Variants in SEC24C observed in about 807,000 individuals in gnomAD.
The protein encoded by SEC24C is protein transport protein Sec24C.
Under a neutral mutation model 117.0 loss-of-function variants are expected in SEC24C, and 22 were observed. The ratio of observed to expected loss-of-function variants is 0.19; its 90% confidence interval spans 0.13 to 0.27. The LOEUF is 0.27. Among genes scored for constraint, SEC24C ranks in the 10% least tolerant of loss-of-function variants. The probability of loss-of-function intolerance (pLI) is 1.00; values close to 1 mark genes in which losing one functional copy is unlikely to be tolerated. For missense variants in SEC24C, 1,155 were observed against 1,375.1 expected (o/e 0.84, Z 2.53); for synonymous variants, 506 against 529.4 (o/e 0.96, Z 0.61).
intron 2 of SEC24C, among the ~76,000 whole-genome samples, chr10:73,747,803 G>T (rs1278845785): frequency 2.0e-5 from 3 of 151,872 alleles, no homozygotes; most frequent in African/African-American, 7.3e-5. Context: ...GGGATTACAG[G>T]CATGCACCAC....
chr10:73,759,985 G>C (rs2082771182), intron 4 of SEC24C, 33 bp from the exon 5 acceptor site: 2 of 1,530,700 alleles, frequency 1.3e-6, no homozygotes, highest in Non-Finnish European at 1.8e-6. Context: ...AGAATGACTG[G>C]GCTTTTGACT....
chr10:73,746,777 T>C, intron 1 of SEC24C, 28 bp from the exon 2 acceptor site: 1 of 1,506,272 alleles, frequency 6.6e-7, no homozygotes, highest in Non-Finnish European at 9.0e-7. Flanking sequence ...GAAAGTTCAT[T>C]TTGACTAATT....
rs572843498 is a variant in SEC24C, at chr10:73,748,285, G to A, written c.172+1281G>A. Among the ~76,000 whole-genome samples, 228 of 151,124 alleles carry A rather than the reference G, an allele frequency of 1.5e-3. 1 individual carries two copies. The highest frequency in any genetic ancestry group is 5.2e-3 in the African/African-American group (212 of 41,136). On this transcript the variant is annotated intron_variant, in intron 2 of 22. Transcript: ENST00000345254. ...AGAGTAGCTGTGATTACAGGCTCCC[G>A]CCACCATGCCCGGCATTTTTTGTAT...
Position 73,765,865 on chromosome 10 carries a change from G to C in SEC24C, c.1432G>C (p.Glu478Gln). ...GKRVDAYDRP[E>Q]LSLGSYEFLA... ...ACGTGTGGATGCTTATGACCGCCCT[G>C]AGCTATCCCTGGGCTCTTATGAATT... The change falls in exon 10 of 23, where the codon GAG (glutamate) becomes CAG (glutamine). Residue 478 changes from glutamate to glutamine, a missense_variant. By Grantham distance (29) the Glu-to-Gln change is conservative. Transcript: ENST00000345254. The C allele has an allele frequency of 1.2e-6, 2 of 1,614,148 alleles. No individual in the cohort carries two copies. Among genetic ancestry groups the C allele is most frequent in the Non-Finnish European group, 1.7e-6 (2 of 1,180,022 alleles).
At chr10:73,758,258 A>G (rs2082742445) in intron 3 of SEC24C, among the ~76,000 whole-genome samples, 1 of 152,150 alleles carries the variant, frequency 6.6e-6, no homozygotes, top group African/African-American at 2.4e-5. Context: ...AGAAAAAAAA[A>G]AGTAGAGACA....
intron 14 of SEC24C, among the ~76,000 whole-genome samples, 162 bp from the exon 15 acceptor site, chr10:73,767,669 AAAAAAT>A (rs1294434356): frequency 6.6e-6 from 1 of 152,204 alleles, no homozygotes; most frequent in East Asian, 1.9e-4. Context: ...CCCTGTCTCA[AAAAAAT>A]AAAAATAATA....
rs147897981 is a variant in SEC24C at position 73,765,465 on chromosome 10, T to C, written c.1242T>C (p.Val414=). Residue 414 remains valine (V), a synonymous_variant, in exon 9 of 23, where the codon GTT becomes GTC. Transcript: ENST00000345254. ...RLPPEEASPY[V]VDHGESGPLR... Reference sequence around the variant, plus strand: ...TTGCGCCTTAGGCTTCACCGTATGTTGTGGACCATGGGGAATCTGGCCCTT... The same window carrying C: ...TTGCGCCTTAGGCTTCACCGTATGTCGTGGACCATGGGGAATCTGGCCCTT... 11 of 1,613,494 alleles carry C rather than the reference T, an allele frequency of 6.8e-6. No individual in the cohort carries two copies. The highest frequency in any genetic ancestry group is 1.3e-5 in the African/African-American group (1 of 74,930).
At chr10:73,763,801 C>G in intron 7 of SEC24C, 55 bp from the exon 8 acceptor site, 1 of 1,564,878 alleles carries the variant, frequency 6.4e-7, no homozygotes, top group Non-Finnish European at 8.7e-7. Flanking sequence ...CAATGGAGAG[C>G]TGGTGTCTGG....
At chr10:73,753,260 CA>C (rs1217076327) in intron 3 of SEC24C, among the ~76,000 whole-genome samples, 1 of 152,202 alleles carries the variant, frequency 6.6e-6, no homozygotes. Flanking sequence ...CCATGTTGGA[CA>C]GGCTGGTCTC....
At chr10:73,747,144 T>G (rs2082566908) in intron 2 of SEC24C, 140 bp downstream of exon 2, 1 of 691,760 alleles carries the variant, frequency 1.4e-6, no homozygotes, top group Non-Finnish European at 2.1e-6. Context: ...CCTGTGTAGC[T>G]GAGAGCCCCG....
At chr10:73,762,149 G>A (rs777385768) in intron 6 of SEC24C, 8 of 1,289,762 alleles carry the variant, frequency 6.2e-6, no homozygotes, top group South Asian at 4.9e-5. Flanking sequence ...AATAGACCCC[G>A]ATGCCATTCC....
rs1364328455 is a variant in SEC24C, at chr10:73,769,499, C to A, written c.2563+14C>A. The A allele has an allele frequency of 6.2e-7, 1 of 1,613,922 alleles. No homozygotes were observed. Among genetic ancestry groups the A allele is most frequent in the African/African-American group, 1.3e-5 (1 of 74,912 alleles). ...TGGCCAAGTTTGGTGAGGGTAGAAGCAGGGCAGGGTGGGATTGGGGCTGAG... is the reference window on the plus strand; with the variant it reads ...TGGCCAAGTTTGGTGAGGGTAGAAGAAGGGCAGGGTGGGATTGGGGCTGAG... On this transcript the variant is annotated intron_variant, in intron 18 of 22. Coordinates refer to ENST00000345254, the MANE Select transcript of SEC24C (RefSeq NM_198597.3). This position sits in a 1 kb window ranked among gnomAD's most constrained non-coding sequence, Gnocchi z 4.5.
chr10:73,751,760 A>G (rs1399068505), intron 3 of SEC24C: 1 of 152,056 alleles, frequency 6.6e-6, no homozygotes, highest in African/African-American at 2.4e-5. Context: ...TTATTGACCC[A>G]TCTTAGTACC....
chr10:73,747,931 T>C (rs1344074160), intron 2 of SEC24C, among the ~76,000 whole-genome samples: 1 of 151,978 alleles, frequency 6.6e-6, no homozygotes, highest in African/African-American at 2.4e-5. Context: ...AATGCTGAGA[T>C]TACAGGCGTG....
At chr10:73,747,486 G>A (rs528217747) in intron 2 of SEC24C, among the ~76,000 whole-genome samples, 131 of 151,996 alleles carry the variant, frequency 8.6e-4, no homozygotes, top group African/African-American at 3.0e-3. Context: ...TGAGTAGCTA[G>A]GATTACAGGC....
intron 6 of SEC24C, 102 bp downstream of exon 6, chr10:73,760,951 C>T: frequency 7.7e-7 from 1 of 1,301,450 alleles, no homozygotes; most frequent in Non-Finnish European, 1.0e-6. Context: ...ATAATTTTCC[C>T]TTTTTGTTCA....
rs538935015 is a variant in SEC24C at position 73,756,384 on chromosome 10, G to A, written c.309-3238G>A. 3.3e-5 allele frequency among the ~76,000 whole-genome samples: 5 copies of A among 152,248 alleles called. No individual in the cohort carries two copies. The South Asian group carries it at 1.0e-3, about 32-fold the overall frequency. The stretch of plus-strand genomic sequence containing the variant: ...CTGACTAGGGGAAAAAAGTCTGCAC[G>A]CTGGAAAGGGGAGATAAGGAGTGCT... On this transcript the variant is annotated intron_variant, in intron 3 of 22. Transcript: ENST00000345254.
intron 3 of SEC24C, among the ~76,000 whole-genome samples, chr10:73,754,611 ACT>A (rs2082685623): frequency 1.3e-5 from 2 of 151,880 alleles, no homozygotes; most frequent in Admixed American, 6.6e-5. Flanking sequence ...CCTCATATAA[ACT>A]CTATTCAAGT....
chr10:73,747,257 A>C (rs1395125985), intron 2 of SEC24C, among the ~76,000 whole-genome samples: 1 of 152,092 alleles, frequency 6.6e-6, no homozygotes, highest in African/African-American at 2.4e-5. Flanking sequence ...ATCTCAACTC[A>C]TTGCAACCTC....
Sources: allele counts gnomAD v4.1 joint callset (sites outside exome capture counted in the v4.1 genomes callset), GRCh38; gene constraint gnomAD v4.1.1; non-coding constraint Gnocchi (gnomAD v3.1); transcripts MANE v1.5; gene names NCBI Gene and HGNC (gene_info 2026-07-23, HGNC 2026-07-21).